CHST11: variants seen among roughly 807,000 people sequenced by gnomAD.
CHST11 encodes carbohydrate sulfotransferase 11.
A neutral mutation model predicts 30.4 loss-of-function variants in CHST11; 9 were observed. The observed-to-expected ratio is 0.30, with a 90% CI of 0.18 to 0.52. The LOEUF is 0.52. CHST11 is among the 20% of genes least tolerant of loss of function. The pLI is 0.97. For missense variants in CHST11, 348 were observed against 460.6 expected, an observed-to-expected ratio of 0.76 and a Z score of 2.24; for synonymous variants, 152 against 187.8, an observed-to-expected ratio of 0.81 and a Z score of 1.56.
In CHST11 at chr12:104,757,078, G is replaced by C; in HGVS notation, c.334G>C (p.Val112Leu). The C allele has an allele frequency of 6.2e-7, 1 of 1,614,140 alleles. No individual in the cohort carries two copies. The highest frequency in any genetic ancestry group is 1.1e-5 in the South Asian group (1 of 91,080). The change falls in exon 3 of 3, where the codon GTG becomes CTG. Residue 112 changes from valine to leucine, a missense_variant. Physicochemically the swap from Val to Leu is conservative, Grantham distance 32. Coordinates refer to ENST00000303694, the MANE Select transcript of CHST11 (RefSeq NM_018413.6). The surrounding 1 kb of genome is among the most constrained non-coding windows in gnomAD (Gnocchi z 6.5). ...LTPNDLKHLV[V>L]DEDHELIYCY... ...CCCCAACGACCTGAAGCACTTGGTG[G>C]TGGATGAGGACCACGAGCTCATCTA...
chr12:104,531,311 G>C (rs1186368725), intron 1 of CHST11, among the ~76,000 whole-genome samples: 4 of 151,902 alleles, frequency 2.6e-5, no homozygotes, highest in African/African-American at 9.7e-5. Context: ...CAACATAGTG[G>C]GACCTTGCCT....
rs1052624820 is a variant in CHST11, at chr12:104,658,975, A to G, written c.204+56984A>G. On this transcript the variant is annotated intron_variant, in intron 2 of 2. Transcript: ENST00000303694. Reference sequence around the variant, plus strand: ...CCCAGGCAGTCTGGCTGCAGAGGATACTTTATAAACCACTTCTACTTCACT... The same window carrying G: ...CCCAGGCAGTCTGGCTGCAGAGGATGCTTTATAAACCACTTCTACTTCACT... Among the ~76,000 whole-genome samples, 29 of 152,382 alleles carry G rather than the reference A, an allele frequency of 1.9e-4. 3 individuals are homozygous for G. Among genetic ancestry groups the G allele is most frequent in the Admixed American group, 9.1e-4 (14 of 15,312 alleles).
At chr12:104,517,834 G>A (rs143821519) in intron 1 of CHST11, among the ~76,000 whole-genome samples, 102 of 152,350 alleles carry the variant, frequency 6.7e-4, no homozygotes, top group African/African-American at 2.0e-3. Flanking sequence ...TGAGCTTGGC[G>A]AAATGAAGCC....
chr12:104,561,903 G>A (rs1340837083), intron 1 of CHST11, among the ~76,000 whole-genome samples: 1 of 151,302 alleles, frequency 6.6e-6, no homozygotes, highest in East Asian at 1.9e-4. Flanking sequence ...CGATTCTCCT[G>A]CCTCAGCCTC....
intron 1 of CHST11, among the ~76,000 whole-genome samples, chr12:104,519,643 C>A (rs950133113): frequency 6.6e-6 from 1 of 152,238 alleles, no homozygotes; most frequent in Non-Finnish European, 1.5e-5. Context: ...AGCGAAGTGA[C>A]CCCAGGGAGC....
At chr12:104,551,350 C>T (rs1183336707) in intron 1 of CHST11, among the ~76,000 whole-genome samples, 3 of 152,124 alleles carry the variant, frequency 2.0e-5, no homozygotes, top group Admixed American at 6.5e-5. Context: ...CTGACAGCAT[C>T]ATTCCACCAG....
chr12:104,513,139 T>TGGGGGG (rs1565969846), intron 1 of CHST11, among the ~76,000 whole-genome samples: 30 of 2,928 alleles, frequency 0.01, no homozygotes, highest in Non-Finnish European at 0.011. Context: ...GGGGGGGGGT[T>TGGGGGG]GGGGGTGGGG....
chr12:104,759,345 C>G lies in CHST11; in HGVS notation c.*1542C>G, dbSNP rs2040505756. 1 of 152,126 alleles carries G rather than the reference C, an allele frequency of 6.6e-6. No homozygotes were observed. Among genetic ancestry groups the G allele is most frequent in the African/African-American group, 2.4e-5 (1 of 41,430 alleles). The allele number at this position is 152,126 out of a possible 1,614,324, so 9.4% of individuals were successfully genotyped here. A position where few individuals can be genotyped will look rare whatever the true frequency, so the allele number is the denominator to read the frequency against. The stretch of plus-strand genomic sequence containing the variant: ...CCTTGCTAATTAACATCTAAACATG[C>G]TTCTCATTTCCAGCCATTGCTGATG... On this transcript the variant is annotated 3_prime_UTR_variant, in exon 3 of 3. Transcript: ENST00000303694.
Position 104,760,920 on chromosome 12 carries a change from T to G in CHST11, c.*3117T>G, listed in dbSNP as rs148142435. The G allele has an allele frequency of 2.6e-5, 4 of 152,354 alleles. No individual in the cohort carries two copies. The highest frequency in any genetic ancestry group is 4.4e-5 in the Non-Finnish European group (3 of 68,038). 9.4% of individuals were successfully genotyped at this position (152,354 alleles called of 1,614,324 possible). A position where few individuals can be genotyped will look rare whatever the true frequency, so the allele number is the denominator to read the frequency against. ...GTTTGTGTTTTTTAAAGAGGAATAT[T>G]TGAAACTGCTTTCTATGCATGCTTA... On this transcript the variant is annotated 3_prime_UTR_variant, in exon 3 of 3. Transcript: ENST00000303694.
intron 1 of CHST11, among the ~76,000 whole-genome samples, chr12:104,513,334 G>T (rs2037988965): frequency 6.6e-6 from 1 of 152,158 alleles, no homozygotes; most frequent in South Asian, 2.1e-4. Context: ...TCGTTAGCAA[G>T]AGGAATGCAG....
chr12:104,530,980 C>T (rs554302496), intron 1 of CHST11, among the ~76,000 whole-genome samples: 6 of 152,290 alleles, frequency 3.9e-5, no homozygotes, highest in South Asian at 2.1e-4. Flanking sequence ...TTGGGGAAGC[C>T]GGATGCCACT....
At chr12:104,728,572 A>G (rs997081934) in intron 2 of CHST11, among the ~76,000 whole-genome samples, 2 of 152,232 alleles carry the variant, frequency 1.3e-5, no homozygotes, top group African/African-American at 4.8e-5. Context: ...TGTGTTTTAC[A>G]GGTGCCCTGT....
At chr12:104,589,694 A>G (rs957736930) in intron 1 of CHST11, among the ~76,000 whole-genome samples, 8 of 152,228 alleles carry the variant, frequency 5.3e-5, no homozygotes, top group African/African-American at 4.8e-5. Context: ...TGGTTTGACT[A>G]CAGAATCAAA....
intron 1 of CHST11, among the ~76,000 whole-genome samples, chr12:104,500,414 T>A (rs776242672): frequency 6.6e-6 from 1 of 152,172 alleles, no homozygotes; most frequent in Non-Finnish European, 1.5e-5. Context: ...ACGTAGCTAA[T>A]CAGGGGACAA....
chr12:104,760,589 T>A lies in CHST11; in HGVS notation c.*2786T>A, dbSNP rs1272095944. ...GGGGGGTTTTCAATGGAAATTCACG[T>A]TGCTTTGCATTTCTGTGTCCGTCTT... On this transcript the variant is annotated 3_prime_UTR_variant, in exon 3 of 3. Coordinates refer to ENST00000303694, the MANE Select transcript of CHST11 (RefSeq NM_018413.6). 3.3e-5 allele frequency: 5 copies of A among 152,288 alleles called. No individual in the cohort carries two copies. In the East Asian group the frequency reaches 9.6e-4, roughly 29 times the overall value. The allele number at this position is 152,288 out of a possible 1,614,324, so 9.4% of individuals were successfully genotyped here. A position where few individuals can be genotyped will look rare whatever the true frequency, so the allele number is the denominator to read the frequency against.
At chr12:104,743,983 C>A (rs777701841) in intron 2 of CHST11, among the ~76,000 whole-genome samples, 1 of 152,144 alleles carries the variant, frequency 6.6e-6, no homozygotes, top group African/African-American at 2.4e-5. Context: ...ATATATGTAC[C>A]ACATTTTCTT....
At chr12:104,587,725 G>A (rs1355427053) in intron 1 of CHST11, among the ~76,000 whole-genome samples, 1 of 151,840 alleles carries the variant, frequency 6.6e-6, no homozygotes, top group Non-Finnish European at 1.5e-5. Context: ...GAAATCTAAT[G>A]CCTCAAACTT....
chr12:104,476,516 C>T (rs1235583279), intron 1 of CHST11, among the ~76,000 whole-genome samples: 1 of 151,994 alleles, frequency 6.6e-6, no homozygotes, highest in African/African-American at 2.4e-5. Flanking sequence ...TTTCATTTTG[C>T]CATTCTCCTT....
At chr12:104,660,934 T>C (rs1335394724) in intron 2 of CHST11, among the ~76,000 whole-genome samples, 1 of 152,172 alleles carries the variant, frequency 6.6e-6, no homozygotes, top group Non-Finnish European at 1.5e-5. Flanking sequence ...CTCATCCTTC[T>C]GTGACATCTC....
Sources: allele counts gnomAD v4.1 joint callset (sites outside exome capture counted in the v4.1 genomes callset), GRCh38; gene constraint gnomAD v4.1.1; non-coding constraint Gnocchi (gnomAD v3.1); transcripts MANE v1.5; gene names NCBI Gene and HGNC (gene_info 2026-07-23, HGNC 2026-07-21).